The following LRP1B variants were observed in gnomAD, a reference collection of about 807,000 sequenced individuals.
LRP1B encodes the protein LDL receptor related protein 1B.
A neutral mutation model predicts 556.6 loss-of-function variants in LRP1B; 217 were observed. That is an observed-to-expected ratio of 0.39 (90% CI 0.35 to 0.44). The LOEUF (loss-of-function observed/expected upper bound fraction) is 0.44, where lower values mean the gene tolerates loss of function less well. Ranked by LOEUF, LRP1B falls within the 20% of genes least tolerant of loss-of-function variation. LRP1B has a pLI of 1.00. For missense variants in LRP1B, 5,053 were observed against 5,620.8 expected (o/e 0.90, Z 3.23); for synonymous variants, 2,047 against 1,865.8 (o/e 1.10, Z -2.50).
rs140890019 is a variant in LRP1B, at chr2:141,403,853, A to G, written c.343+76543T>C. 1.1e-4 allele frequency among the ~76,000 whole-genome samples: 17 copies of G among 152,270 alleles called. No individual in the cohort carries two copies. In the East Asian group the frequency reaches 3.3e-3, roughly 29 times the overall value. On this transcript the variant is annotated intron_variant, in intron 3 of 90. Transcript: ENST00000389484. ...TATGTATAGACAGACTTCAAGGCAG[A>G]GGCCAGTCGCTCCCCTGAGGTTATC...
intron 2 of LRP1B, among the ~76,000 whole-genome samples, chr2:141,742,418 A>T (rs1693746660): frequency 6.6e-6 from 1 of 151,470 alleles, no homozygotes; most frequent in African/African-American, 2.4e-5. Context: ...TGCCCCGCTA[A>T]TTTTTTTGTC....
chr2:140,824,203 T>C (rs550984662), intron 31 of LRP1B, among the ~76,000 whole-genome samples: 11 of 152,212 alleles, frequency 7.2e-5, no homozygotes, highest in African/African-American at 2.6e-4. Flanking sequence ...CATAAGCTAT[T>C]AAATATATTT....
chr2:141,044,214 C>T lies in LRP1B; in HGVS notation c.1789+4772G>A, dbSNP rs545288226. On this transcript the variant is annotated intron_variant, in intron 11 of 90. Transcript: ENST00000389484. ...AATGGTGCTGGGAAAACTGGCTAGC[C>T]GTATGTAGAAAGCTGAAACTGGATC... Among the ~76,000 whole-genome samples the T allele has an allele frequency of 2.7e-3, 408 of 151,318 alleles. 2 individuals carry two copies. Among genetic ancestry groups the T allele is most frequent in the African/African-American group, 9.6e-3 (396 of 41,176 alleles).
intron 3 of LRP1B, among the ~76,000 whole-genome samples, chr2:141,271,673 A>G (rs190471210): frequency 5.3e-5 from 8 of 151,992 alleles, no homozygotes; most frequent in African/African-American, 1.9e-4. Context: ...AAATAAACTG[A>G]AAGAACATAT....
At chr2:140,252,917 C>G (rs1202050282) in intron 86 of LRP1B, among the ~76,000 whole-genome samples, 1 of 152,044 alleles carries the variant, frequency 6.6e-6, no homozygotes, top group East Asian at 1.9e-4. Flanking sequence ...TCAATTCATA[C>G]AATTTTGAAC....
In LRP1B at chr2:140,880,348, C is replaced by T. The variant is rs533901149; in HGVS notation, c.4169+3469G>A. Reference sequence around the variant, plus strand: ...CTAATAATAAGCTTAATGTTTAAAACGGGATTCATGGTCTCTTTCAGGTCA... The same window carrying T: ...CTAATAATAAGCTTAATGTTTAAAATGGGATTCATGGTCTCTTTCAGGTCA... On this transcript the variant is annotated intron_variant, in intron 25 of 90. Transcript: ENST00000389484. Among the ~76,000 whole-genome samples, 9 of 152,154 alleles carry T rather than the reference C, an allele frequency of 5.9e-5. No individual in the cohort carries two copies. In the South Asian group the frequency reaches 6.2e-4, roughly 11 times the overall value.
chr2:141,051,246 A>G (rs373581401), intron 10 of LRP1B, among the ~76,000 whole-genome samples: 1 of 152,116 alleles, frequency 6.6e-6, no homozygotes, highest in African/African-American at 2.4e-5. Context: ...ACAATCAGAA[A>G]TACTATTTTA....
chr2:141,985,608 T>C (rs1702165703), intron 1 of LRP1B, among the ~76,000 whole-genome samples: 1 of 151,894 alleles, frequency 6.6e-6, no homozygotes, highest in Non-Finnish European at 1.5e-5. Context: ...AGCACAATTC[T>C]TTCATTTTTT....
In LRP1B at chr2:140,377,775, G is replaced by A. The variant is rs567618979; in HGVS notation, c.10638+405C>T. Among the ~76,000 whole-genome samples the A allele has an allele frequency of 1.4e-4, 22 of 152,238 alleles. 1 individual carries two copies. In the South Asian group the frequency reaches 2.9e-3, roughly 20 times the overall value. On this transcript the variant is annotated intron_variant, in intron 68 of 90. Transcript: ENST00000389484. ...AAATTGATGACCCACATCGATGTCT[G>A]TAAGACTATATCTATTGAAGAAAGA...
chr2:141,746,118 G>C (rs1693907302), intron 2 of LRP1B, among the ~76,000 whole-genome samples: 1 of 152,010 alleles, frequency 6.6e-6, no homozygotes, highest in South Asian at 2.1e-4. Context: ...TTGGGGAAGG[G>C]GTAGTACAAG....
At chr2:141,016,137 A>C (rs765570269) in intron 12 of LRP1B, among the ~76,000 whole-genome samples, 3 of 152,094 alleles carry the variant, frequency 2.0e-5, no homozygotes, top group Non-Finnish European at 4.4e-5. Flanking sequence ...AGAAAAGCCA[A>C]CTACCACCAC....
chr2:140,977,668 T>C (rs962737446), intron 18 of LRP1B, among the ~76,000 whole-genome samples: 1 of 152,098 alleles, frequency 6.6e-6, no homozygotes, highest in African/African-American at 2.4e-5. Flanking sequence ...AATAGAAATA[T>C]AAATTCTTGG....
chr2:140,623,956 G>GTATATATATA (rs3060390), intron 41 of LRP1B, among the ~76,000 whole-genome samples: 2,308 of 106,398 alleles, frequency 0.022, 191 homozygotes, highest in African/African-American at 0.043. Context: ...TTTTATTTAT[G>GTATATATATA]TATATATATA....
rs114384304 is a variant in LRP1B at position 141,662,890 on chromosome 2, G to A, written c.205+147389C>T. ...CAGAATATACATTGTTCTTGGTGCCGCATGACACTTACTCCAAAATTGTTC... is the reference window on the plus strand; with the variant it reads ...CAGAATATACATTGTTCTTGGTGCCACATGACACTTACTCCAAAATTGTTC... On this transcript the variant is annotated intron_variant, in intron 2 of 90. Coordinates refer to ENST00000389484, the MANE Select transcript of LRP1B (RefSeq NM_018557.3). Among the ~76,000 whole-genome samples, 244 of 151,818 alleles carry A rather than the reference G, an allele frequency of 1.6e-3. 1 individual carries two copies. The highest frequency in any genetic ancestry group is 5.1e-3 in the African/African-American group (211 of 41,416).
chr2:141,247,474 A>G (rs562038158), intron 4 of LRP1B, 120 bp from the exon 5 acceptor site: 286 of 1,166,662 alleles, frequency 2.5e-4, no homozygotes, highest in Non-Finnish European at 2.8e-4. Context: ...GCCAATTCCA[A>G]TAAGTCTTTT....
chr2:140,750,059 C>CTG (rs1688515992), intron 35 of LRP1B, among the ~76,000 whole-genome samples: 1 of 147,908 alleles, frequency 6.8e-6, no homozygotes, highest in Non-Finnish European at 1.5e-5. Context: ...TGGTACATGA[C>CTG]TGTATATACT....
At chr2:141,370,727 G>T (rs1689200005) in intron 3 of LRP1B, among the ~76,000 whole-genome samples, 2 of 152,044 alleles carry the variant, frequency 1.3e-5, no homozygotes, top group African/African-American at 2.4e-5. Context: ...GCCTAGACCA[G>T]TGTCTAGAAG....
At chr2:141,947,329 C>T (rs756471680) in intron 1 of LRP1B, among the ~76,000 whole-genome samples, 3 of 151,634 alleles carry the variant, frequency 2.0e-5, no homozygotes, top group Admixed American at 6.6e-5. Flanking sequence ...CCCAGCTACT[C>T]GGGAGGATGA....
At chr2:140,617,559 G>C (rs1034576377) in intron 41 of LRP1B, among the ~76,000 whole-genome samples, 3 of 151,836 alleles carry the variant, frequency 2.0e-5, no homozygotes, top group Non-Finnish European at 4.4e-5. Context: ...TTGACTTCAA[G>C]TTTGTCTTTG....
Sources: gnomAD v4.1 joint callset for allele counts (sites outside exome capture counted in the v4.1 genomes callset) on GRCh38, gnomAD v4.1.1 for gene constraint, MANE v1.5 for transcripts, NCBI Gene and HGNC (gene_info 2026-07-23, HGNC 2026-07-21) for gene names.